MAPKAPK5: variants seen among roughly 807,000 people sequenced by gnomAD.
The protein encoded by MAPKAPK5 is MAPK activated protein kinase 5, also known as MAP kinase-activated protein kinase 5.
Under a neutral mutation model 65.1 loss-of-function variants are expected in MAPKAPK5, and 30 were observed. The observed-to-expected ratio is 0.46, with a 90% CI of 0.34 to 0.63. MAPKAPK5 has a LOEUF of 0.63. MAPKAPK5 is among the 20% of genes least tolerant of loss of function. The probability of loss-of-function intolerance (pLI) is 0.01; values close to 1 mark genes in which losing one functional copy is unlikely to be tolerated. For missense variants in MAPKAPK5, 433 were observed against 581.4 expected (o/e 0.74, Z 2.63); for synonymous variants, 179 against 204.6 (o/e 0.87, Z 1.07).
intron 13 of MAPKAPK5, among the ~76,000 whole-genome samples, chr12:111,891,061 T>C (rs755697660): frequency 5.7e-4 from 87 of 152,216 alleles, no homozygotes; most frequent in Non-Finnish European, 9.9e-4. Flanking sequence ...AATGCCTCAC[T>C]TGTTTCCGCG....
chr12:111,842,858 A>G, intron 1 of MAPKAPK5, 89 bp downstream of exon 1: 2 of 1,208,770 alleles, frequency 1.7e-6, no homozygotes, highest in Non-Finnish European at 2.1e-6. Flanking sequence ...TTTTGCAGTG[A>G]GAGGTTCCAT....
intron 1 of MAPKAPK5, among the ~76,000 whole-genome samples, chr12:111,848,941 T>G (rs1049969119): frequency 6.6e-6 from 1 of 151,966 alleles, no homozygotes; most frequent in African/African-American, 2.4e-5. Context: ...TTTTTGTATT[T>G]TTAGTAGAGA....
At chr12:111,887,255 C>T (rs866113816) in intron 10 of MAPKAPK5, among the ~76,000 whole-genome samples, 2 of 152,156 alleles carry the variant, frequency 1.3e-5, no homozygotes, top group Non-Finnish European at 2.9e-5. Context: ...AGTTCTCTGC[C>T]TTCTCTTTGA....
intron 1 of MAPKAPK5, among the ~76,000 whole-genome samples, chr12:111,849,374 G>A (rs761512713): frequency 6.6e-6 from 1 of 151,832 alleles, no homozygotes; most frequent in African/African-American, 2.4e-5. Context: ...TCCTGCCTCA[G>A]CCTCCCAAGT....
At chr12:111,864,085 A>G (rs1029343392) in intron 1 of MAPKAPK5, among the ~76,000 whole-genome samples, 3 of 152,134 alleles carry the variant, frequency 2.0e-5, no homozygotes, top group African/African-American at 7.2e-5. Flanking sequence ...CCTGGGCAAC[A>G]TAGCAAGACC....
intron 1 of MAPKAPK5, among the ~76,000 whole-genome samples, chr12:111,864,731 T>G (rs138376322): frequency 5.9e-4 from 90 of 152,302 alleles, no homozygotes; most frequent in African/African-American, 2.0e-3. Context: ...GTGTTGGAAA[T>G]TAGATGTTTA....
chr12:111,850,229 A>G (rs1351200279), intron 1 of MAPKAPK5, among the ~76,000 whole-genome samples: 1 of 151,818 alleles, frequency 6.6e-6, no homozygotes, highest in Non-Finnish European at 1.5e-5. Context: ...GGGTTTCACC[A>G]TGTTGGCCAG....
Position 111,885,907 on chromosome 12 carries a change from T to C in MAPKAPK5, c.849-9T>C, listed in dbSNP as rs750436066. The C allele has an allele frequency of 6.8e-6, 11 of 1,613,818 alleles. No homozygotes were observed. Among genetic ancestry groups the C allele is most frequent in the South Asian group, 6.6e-5 (6 of 91,060 alleles). ...GTGCATGGCAGCCCTGTTGGCGTTT[T>C]CTCCACAGGCTCCTGAAGGTCAAAC... On this transcript the variant is annotated splice_polypyrimidine_tract_variant and intron_variant, in intron 9 of 13. Coordinates refer to ENST00000550735, the MANE Select transcript of MAPKAPK5 (RefSeq NM_003668.4).
intron 1 of MAPKAPK5, among the ~76,000 whole-genome samples, 194 bp from the exon 2 acceptor site, chr12:111,865,056 T>G (rs1175651915): frequency 6.6e-6 from 1 of 152,222 alleles, no homozygotes; most frequent in African/African-American, 2.4e-5. Flanking sequence ...TGTTGGAAAA[T>G]TGGGAAACAA....
chr12:111,856,385 T>G (rs1488281586), intron 1 of MAPKAPK5, among the ~76,000 whole-genome samples: 2 of 145,320 alleles, frequency 1.4e-5, no homozygotes, highest in Non-Finnish European at 3.0e-5. Context: ...AGCTCCATTG[T>G]CTCCCTCTTC....
chr12:111,864,787 A>G (rs538011592), intron 1 of MAPKAPK5, among the ~76,000 whole-genome samples: 1 of 152,306 alleles, frequency 6.6e-6, no homozygotes, highest in African/African-American at 2.4e-5. Context: ...TTTAAGTCTC[A>G]GTTTATTCAG....
intron 4 of MAPKAPK5, among the ~76,000 whole-genome samples, chr12:111,868,436 A>ATTTCCC (rs2069677179): frequency 6.6e-6 from 1 of 152,210 alleles, no homozygotes; most frequent in Non-Finnish European, 1.5e-5. Flanking sequence ...AAGAAGATAG[A>ATTTCCC]ATTTTAAAAA....
chr12:111,870,628 G>C (rs2069754292), intron 6 of MAPKAPK5, among the ~76,000 whole-genome samples: 1 of 152,172 alleles, frequency 6.6e-6, no homozygotes, highest in South Asian at 2.1e-4. Flanking sequence ...GGAAGGGGCA[G>C]GAATCTGTAT....
rs1218749521 is a variant in MAPKAPK5, at chr12:111,893,481, A to T, written c.*420A>T. On this transcript the variant is annotated 3_prime_UTR_variant, in exon 14 of 14. Transcript: ENST00000550735. Reference sequence around the variant, plus strand: ...TCCACACCATTGCTAGATTAGCTCTACTGCCAAGACATTTTTGTGGCTGTC... The same window carrying T: ...TCCACACCATTGCTAGATTAGCTCTTCTGCCAAGACATTTTTGTGGCTGTC... 6.6e-6 allele frequency: 1 copy of T among 152,484 alleles called. No homozygotes were observed. Among genetic ancestry groups the T allele is most frequent in the Non-Finnish European group, 1.5e-5 (1 of 68,272 alleles). 9.4% of individuals were successfully genotyped at this position (152,484 alleles called of 1,614,324 possible).
At chr12:111,860,977 G>A (rs993211743) in intron 1 of MAPKAPK5, among the ~76,000 whole-genome samples, 4 of 151,518 alleles carry the variant, frequency 2.6e-5, no homozygotes. Context: ...TGGCCAACAC[G>A]GTGAAACCCT....
chr12:111,891,588 T>A (rs1403917245), intron 13 of MAPKAPK5, among the ~76,000 whole-genome samples: 2 of 136,236 alleles, frequency 1.5e-5, no homozygotes, highest in Non-Finnish European at 3.0e-5. Flanking sequence ...GGTCAGGAGA[T>A]CAAGACCATC....
At chr12:111,885,747 ACCCCT>A (rs2070379208) in intron 9 of MAPKAPK5, 164 bp from the exon 10 acceptor site, 1 of 693,576 alleles carries the variant, frequency 1.4e-6, no homozygotes, top group Non-Finnish European at 2.4e-6. Flanking sequence ...AAGCCATAGT[ACCCCT>A]ACAAGTGGTT....
intron 7 of MAPKAPK5, among the ~76,000 whole-genome samples, chr12:111,872,232 A>G (rs2069807236): frequency 6.6e-6 from 1 of 152,162 alleles, no homozygotes; most frequent in Non-Finnish European, 1.5e-5. Context: ...CCAGCAACGT[A>G]TAGAGTTCCA....
chr12:111,889,557 A>C (rs1316705998), intron 12 of MAPKAPK5: 1 of 167,744 alleles, frequency 6.0e-6, no homozygotes, highest in African/African-American at 2.4e-5. Flanking sequence ...GTGAGGGGCT[A>C]TTCTCAGCAG....
Sources: allele counts gnomAD v4.1 joint callset (sites outside exome capture counted in the v4.1 genomes callset), GRCh38; gene constraint gnomAD v4.1.1; transcripts MANE v1.5; gene names NCBI Gene and HGNC (gene_info 2026-07-23, HGNC 2026-07-21).